Variants in BRSK2 observed in about 807,000 individuals in gnomAD.
The protein encoded by BRSK2 is BR serine/threonine kinase 2, also known as serine/threonine-protein kinase BRSK2.
A neutral mutation model predicts 83.3 loss-of-function variants in BRSK2; 19 were observed. The ratio of observed to expected loss-of-function variants is 0.23; its 90% CI spans 0.16 to 0.33. The LOEUF is 0.33. Ranked by LOEUF, BRSK2 falls within the 10% of genes least tolerant of loss-of-function variation. BRSK2 has a pLI of 1.00. For synonymous variants in BRSK2, 519 were observed against 435.4 expected, an observed-to-expected ratio of 1.19 and a Z score of -2.39; for missense variants, 798 against 1,042.3, an observed-to-expected ratio of 0.77 and a Z score of 3.23.
chr11:1,403,688 C>T (rs1167181557), intron 1 of BRSK2, among the ~76,000 whole-genome samples: 1 of 152,190 alleles, frequency 6.6e-6, no homozygotes, highest in East Asian at 1.9e-4. Context: ...GGTGACAGTC[C>T]TGTTGTGGCA....
intron 1 of BRSK2, among the ~76,000 whole-genome samples, chr11:1,405,063 T>G (rs1846767165): frequency 2.8e-5 from 4 of 144,282 alleles, no homozygotes; most frequent in Non-Finnish European, 3.0e-5. Flanking sequence ...TCTAGGGGGT[T>G]GTAGGGGGGC....
At position 1,443,548 on chromosome 11, in the gene BRSK2, C is replaced by T. The variant is rs894724994; in HGVS notation, c.693C>T (p.Gly231=). The change falls in exon 8 of 20, where the codon GGC becomes GGT. Residue 231 remains glycine (G), a synonymous_variant. Coordinates refer to ENST00000528841, the MANE Select transcript of BRSK2 (RefSeq NM_001256627.2). ...AGCTGCTGGAGAAGGTGAAGCGGGG[C>T]GTGTTCCACATGCCGCACTTTATCC... ...LRQLLEKVKR[G]VFHMPHFIPP... 20 of 1,609,866 alleles carry T rather than the reference C, an allele frequency of 1.2e-5. No individual in the cohort carries two copies. Among genetic ancestry groups the T allele is most frequent in the South Asian group, 4.4e-5 (4 of 90,664 alleles).
At chr11:1,446,995 C>T (rs1278412347) in intron 12 of BRSK2, among the ~76,000 whole-genome samples, 2 of 152,128 alleles carry the variant, frequency 1.3e-5, no homozygotes, top group African/African-American at 4.8e-5. Flanking sequence ...AAACCTGTTC[C>T]AGCCCCAGCC....
At chr11:1,413,021 C>T (rs1847710469) in intron 1 of BRSK2, among the ~76,000 whole-genome samples, 1 of 152,192 alleles carries the variant, frequency 6.6e-6, no homozygotes, top group Non-Finnish European at 1.5e-5. Context: ...ACCCCAGGCC[C>T]TGGCCTCCTT....
chr11:1,393,463 A>G (rs1307007676), intron 1 of BRSK2, among the ~76,000 whole-genome samples: 1 of 152,074 alleles, frequency 6.6e-6, no homozygotes, highest in African/African-American at 2.4e-5. Flanking sequence ...GGCGGGAGAA[A>G]GGAATAATGG....
intron 16 of BRSK2, 128 bp from the exon 17 acceptor site, chr11:1,456,220 G>C: frequency 2.0e-6 from 2 of 1,013,062 alleles, no homozygotes; most frequent in Non-Finnish European, 2.8e-6. Context: ...TGCCCCTCAC[G>C]GAAGCAGAGG....
chr11:1,403,577 GA>G (rs1018117520), intron 1 of BRSK2, among the ~76,000 whole-genome samples: 4 of 152,332 alleles, frequency 2.6e-5, no homozygotes, highest in Middle Eastern at 3.4e-3. Flanking sequence ...TGTTTGGTGT[GA>G]AAGGGGGATA....
At chr11:1,457,761 T>G (rs1338466694) in intron 18 of BRSK2, among the ~76,000 whole-genome samples, 1 of 152,126 alleles carries the variant, frequency 6.6e-6, no homozygotes, top group African/African-American at 2.4e-5. Flanking sequence ...CCCCTCCCCA[T>G]GACATCCTCA....
Position 1,460,066 on chromosome 11 carries a change from G to A in BRSK2, c.1988-434G>A, listed in dbSNP as rs556028773. On this transcript the variant is annotated intron_variant, in intron 19 of 19. Transcript: ENST00000528841. The stretch of plus-strand genomic sequence containing the variant: ...GTCATCTCCGGCGTTGGGGTGGGTC[G>A]GCCCTCACGGCTGCAAGGTGGGGAG... Among the ~76,000 whole-genome samples, 31 of 150,604 alleles carry A rather than the reference G, an allele frequency of 2.1e-4. 1 individual carries two copies. The highest frequency in any genetic ancestry group is 1.4e-3 in the East Asian group (7 of 5,112).
At chr11:1,410,590 G>GC in intron 1 of BRSK2, 1 of 985,448 alleles carries the variant, frequency 1.0e-6, no homozygotes, top group Non-Finnish European at 1.2e-6. Flanking sequence ...CCCGGGAGTG[G>GC]ACTCGGGGGC....
rs1165448474 is a variant in BRSK2 at position 1,393,109 on chromosome 11, T to C, written c.91+2734T>C. ...AAGGCTTGTGTAGCCTCATCTGAGC[T>C]TGACCCCTGCAGAGATGCCGAGACA... On this transcript the variant is annotated intron_variant, in intron 1 of 19. Coordinates refer to ENST00000528841, the MANE Select transcript of BRSK2 (RefSeq NM_001256627.2). Among the ~76,000 whole-genome samples, 3 of 152,176 alleles carry C rather than the reference T, an allele frequency of 2.0e-5. No homozygotes were observed. In the East Asian group the frequency reaches 5.8e-4, roughly 29 times the overall value.
intron 1 of BRSK2, among the ~76,000 whole-genome samples, chr11:1,422,506 A>G (rs571681719): frequency 1.3e-5 from 2 of 152,178 alleles, no homozygotes; most frequent in South Asian, 2.1e-4. Context: ...GACGGTGCAG[A>G]GGGGCCTGTG....
intron 1 of BRSK2, among the ~76,000 whole-genome samples, chr11:1,428,989 G>C (rs1163031158): frequency 2.7e-5 from 4 of 149,656 alleles, no homozygotes; most frequent in Admixed American, 6.6e-5. Flanking sequence ...TGTGCACTGG[G>C]TGTGTCCTGG....
intron 18 of BRSK2, chr11:1,456,952 T>C (rs747972674): frequency 5.0e-6 from 8 of 1,597,162 alleles, no homozygotes; most frequent in Non-Finnish European, 6.8e-6. Flanking sequence ...TTGTCCACCG[T>C]AGAACCCCCC....
intron 1 of BRSK2, among the ~76,000 whole-genome samples, chr11:1,393,223 G>A (rs1845837032): frequency 6.6e-6 from 1 of 152,188 alleles, no homozygotes; most frequent in Admixed American, 6.5e-5. Context: ...TGTGTGGCAC[G>A]GGCTGGGTGG....
At position 1,434,230 on chromosome 11, in the gene BRSK2, G is replaced by T. The variant is rs187146464; in HGVS notation, c.92-1810G>T. Among the ~76,000 whole-genome samples, 579 of 152,332 alleles carry T rather than the reference G, an allele frequency of 3.8e-3. 10 individuals are homozygous for T. The highest frequency in any genetic ancestry group is 0.013 in the African/African-American group (547 of 41,564). On this transcript the variant is annotated intron_variant, in intron 1 of 19. Coordinates refer to ENST00000528841, the MANE Select transcript of BRSK2 (RefSeq NM_001256627.2). The stretch of plus-strand genomic sequence containing the variant: ...GCGAGGCCGAGTCTGGGTGAAATTT[G>T]AGCACAGCGCGTGCACGGAAGGATG...
intron 14 of BRSK2, among the ~76,000 whole-genome samples, 175 bp from the exon 15 acceptor site, chr11:1,451,196 T>C (rs1452722765): frequency 6.6e-6 from 1 of 152,002 alleles, no homozygotes; most frequent in Non-Finnish European, 1.5e-5. Context: ...GGGGCGCCAC[T>C]GCCAGTGGGC....
intron 18 of BRSK2, 188 bp downstream of exon 18, chr11:1,456,875 G>T: frequency 1.3e-6 from 2 of 1,506,458 alleles, no homozygotes; most frequent in South Asian, 1.2e-5. Flanking sequence ...GGCCTGGCGG[G>T]ACCACCCGCC....
chr11:1,449,914 GGCAGCCTCGCGGACCCTGGGAA>G (rs1845596662), intron 13 of BRSK2, 78 bp downstream of exon 13: 2 of 1,164,618 alleles, frequency 1.7e-6, no homozygotes, highest in Non-Finnish European at 2.5e-6. Context: ...CCAGGGTGGG[GGCAGCCTCGCGGACCCTGGGAA>G]GCAGCCCCAG....
Sources: allele counts gnomAD v4.1 joint callset (sites outside exome capture counted in the v4.1 genomes callset), GRCh38; gene constraint gnomAD v4.1.1; transcripts MANE v1.5; gene names NCBI Gene and HGNC (gene_info 2026-07-23, HGNC 2026-07-21).